The following SLC24A5 variants were observed in gnomAD, a reference collection of about 807,000 sequenced individuals.
SLC24A5 encodes the protein solute carrier family 24 member 5, also known as sodium/potassium/calcium exchanger 5.
Under a neutral mutation model 51.6 loss-of-function variants are expected in SLC24A5, and 46 were observed. The ratio of observed to expected loss-of-function variants is 0.89; its 90% CI spans 0.70 to 1.14. SLC24A5 has a LOEUF of 1.14. SLC24A5 is among the 50% of genes most tolerant of loss of function. The probability of loss-of-function intolerance (pLI) is 0.00; values close to 1 mark genes in which losing one functional copy is unlikely to be tolerated. For synonymous variants in SLC24A5, 230 were observed against 214.9 expected, an observed-to-expected ratio of 1.07 and a Z score of -0.62; for missense variants, 581 against 604.1, an observed-to-expected ratio of 0.96 and a Z score of 0.40.
chr15:48,138,342 T>C (rs1272879328), intron 6 of SLC24A5: 1 of 151,996 alleles, frequency 6.6e-6, no homozygotes, highest in African/African-American at 2.4e-5. Flanking sequence ...AATAAAGAAA[T>C]ATACTCAATT....
chr15:48,141,274 T>C (rs2039074309), intron 8 of SLC24A5, 60 bp downstream of exon 8: 1 of 1,380,570 alleles, frequency 7.2e-7, no homozygotes, highest in South Asian at 1.2e-5. Flanking sequence ...TGAGTAAAAG[T>C]AGCTTTAAAA....
At chr15:48,134,724 T>G in intron 4 of SLC24A5, 160 bp from the exon 5 acceptor site, 1 of 732,068 alleles carries the variant, frequency 1.4e-6, no homozygotes, top group Non-Finnish European at 2.2e-6. Flanking sequence ...TTTATGAAAG[T>G]CTGTGTAAGT....
Position 48,142,243 on chromosome 15 carries a change from A to C in SLC24A5, c.1395A>C (p.Arg465Ser). 6.2e-7 allele frequency: 1 copy of C among 1,613,774 alleles called. No individual in the cohort carries two copies. The highest frequency in any genetic ancestry group is 1.1e-5 in the South Asian group (1 of 91,072). The change falls in exon 9 of 9, where the codon AGA becomes AGC. Residue 465 changes from arginine (R) to serine (S), a missense_variant. Transcript: ENST00000341459. ...ACTTCAATGGCTGGAAACTAGACAG[A>C]AAGTTGGGAATAGTCTGCCTATTAT... ...AVHFNGWKLD[R>S]KLGIVCLLSY... is the part of the protein sequence containing the mutation.
chr15:48,123,066 T>A (rs896118551), intron 2 of SLC24A5: 1 of 151,932 alleles, frequency 6.6e-6, no homozygotes, highest in Non-Finnish European at 1.5e-5. Context: ...AATTATTTCC[T>A]CCCTTGTTCA....
At chr15:48,134,781 A>C in intron 4 of SLC24A5, 103 bp from the exon 5 acceptor site, 1 of 942,504 alleles carries the variant, frequency 1.1e-6, no homozygotes, top group South Asian at 1.7e-5. Context: ...TGCAAAAGAT[A>C]ACAATATTTA....
chr15:48,141,344 C>T (rs533865467), intron 8 of SLC24A5, 130 bp downstream of exon 8: 45 of 634,012 alleles, frequency 7.1e-5, no homozygotes, highest in African/African-American at 3.5e-4. Flanking sequence ...TTTGGGAGGC[C>T]GAGGCGGGTG....
intron 1 of SLC24A5, 27 bp from the exon 2 acceptor site, chr15:48,121,830 A>C (rs754222188): frequency 1.9e-6 from 3 of 1,612,618 alleles, no homozygotes; most frequent in East Asian, 4.5e-5. Flanking sequence ...CAAACTCTTC[A>C]AACTTTCACC....
At chr15:48,123,591 A>G (rs567814642) in intron 2 of SLC24A5, 10 of 152,314 alleles carry the variant, frequency 6.6e-5, no homozygotes, top group African/African-American at 2.4e-4. Context: ...CACCCAGTAG[A>G]AATTTATCAT....
At position 48,121,155 on chromosome 15, in the gene SLC24A5, A is replaced by G. The variant is rs1208605389; in HGVS notation, c.111A>G (p.Pro37=). 6.2e-7 allele frequency: 1 copy of G among 1,612,758 alleles called. No homozygotes were observed. The change falls in exon 1 of 9, where the codon CCA becomes CCG. Residue 37 remains proline (P), a synonymous_variant. Coordinates refer to ENST00000341459, the MANE Select transcript of SLC24A5 (RefSeq NM_205850.3). ...LSGTSLPQRL[P]RATGNSTQCV... ...GGACCTCCCTGCCCCAACGTCTCCC[A>G]AGGGCCACAGGTAGGTGGACATTGG...
At chr15:48,126,231 A>G (rs973917971) in intron 2 of SLC24A5, among the ~76,000 whole-genome samples, 6 of 152,160 alleles carry the variant, frequency 3.9e-5, no homozygotes, top group Non-Finnish European at 8.8e-5. Flanking sequence ...ACACTGGAAA[A>G]GCTGGAAAAG....
At chr15:48,128,105 A>T (rs1015121948) in intron 2 of SLC24A5, among the ~76,000 whole-genome samples, 1 of 151,972 alleles carries the variant, frequency 6.6e-6, no homozygotes, top group Non-Finnish European at 1.5e-5. Flanking sequence ...ATAAAATGAA[A>T]ACAAAATATC....
At position 48,142,082 on chromosome 15, in the gene SLC24A5, T is replaced by C; in HGVS notation, c.1234T>C (p.Leu412=). ...CGTGGGATCCAATGTGTTTGATATGTTGTGCCTTGGTATTCCATGGTTTAT... is the reference window on the plus strand; with the variant it reads ...CGTGGGATCCAATGTGTTTGATATGCTGTGCCTTGGTATTCCATGGTTTAT... ...NIVGSNVFDM[L]CLGIPWFIKT... is the part of the protein sequence containing the mutation. The change falls in exon 9 of 9, where the codon TTG becomes CTG. Residue 412 remains leucine, a synonymous_variant. Transcript: ENST00000341459. 6.2e-7 allele frequency: 1 copy of C among 1,613,876 alleles called. No homozygotes were observed. The highest frequency in any genetic ancestry group is 1.1e-5 in the South Asian group (1 of 91,068).
chr15:48,123,054 C>G (rs2038696081), intron 2 of SLC24A5: 1 of 151,806 alleles, frequency 6.6e-6, no homozygotes, highest in Non-Finnish European at 1.5e-5. Flanking sequence ...AAATGCAAAG[C>G]GAATTATTTC....
At chr15:48,140,386 GAA>G (rs903684914) in intron 7 of SLC24A5, 5 of 151,462 alleles carry the variant, frequency 3.3e-5, no homozygotes, top group African/African-American at 1.2e-4. Flanking sequence ...AAAAAAAAGA[GAA>G]AGAAAAAAAA....
chr15:48,121,955 C>G lies in SLC24A5; in HGVS notation c.220C>G (p.Leu74Val), dbSNP rs1361362493. Residue 74 changes from leucine to valine, a missense_variant, in exon 2 of 9, where the codon CTA (leucine) becomes GTA (valine). Leu to Val is a conservative substitution (Grantham distance 32). Coordinates refer to ENST00000341459, the MANE Select transcript of SLC24A5 (RefSeq NM_205850.3). Reference protein sequence around the residue: ...RRDGGIIIYFLIIVYMFMAIS... With the variant: ...RRDGGIIIYFVIIVYMFMAIS... ...AGATGGAGGCATCATAATCTATTTC[C>G]TAATTATCGTTTACATGTTCATGGC... is the stretch of plus-strand genomic sequence containing the variant. 6.2e-7 allele frequency: 1 copy of G among 1,614,132 alleles called. No homozygotes were observed. Among genetic ancestry groups the G allele is most frequent in the Non-Finnish European group, 8.5e-7 (1 of 1,179,978 alleles).
At chr15:48,140,994 G>T in intron 7 of SLC24A5, 119 bp from the exon 8 acceptor site, 1 of 740,598 alleles carries the variant, frequency 1.4e-6, no homozygotes, top group Non-Finnish European at 2.2e-6. Flanking sequence ...GCACATATTG[G>T]CTCTGAATTC....
intron 6 of SLC24A5, chr15:48,138,120 C>A (rs2038947433): frequency 1.3e-5 from 2 of 152,090 alleles, no homozygotes; most frequent in East Asian, 1.9e-4. Context: ...AATCCAAATT[C>A]TTTGATTATG....
chr15:48,133,165 C>G (rs1007995340), intron 2 of SLC24A5, among the ~76,000 whole-genome samples: 2 of 152,048 alleles, frequency 1.3e-5, no homozygotes, highest in African/African-American at 4.8e-5. Flanking sequence ...CGTCAAAAAC[C>G]AATAGGTATA....
At chr15:48,140,852 G>A (rs1159909081) in intron 7 of SLC24A5, 2 of 343,636 alleles carry the variant, frequency 5.8e-6, no homozygotes, top group African/African-American at 4.2e-5. Flanking sequence ...ATATCAAACA[G>A]GAAAATTTCT....
Sources: gnomAD v4.1 joint callset for allele counts (sites outside exome capture counted in the v4.1 genomes callset) on GRCh38, gnomAD v4.1.1 for gene constraint, MANE v1.5 for transcripts, NCBI Gene and HGNC (gene_info 2026-07-23, HGNC 2026-07-21) for gene names.